The following LNX2 variants were observed in gnomAD, a reference collection of about 807,000 sequenced individuals.
LNX2 encodes the protein ligand of Numb protein X 2.
A neutral mutation model predicts 66.2 loss-of-function variants in LNX2; 35 were observed. The observed-to-expected ratio is 0.53, with a 90% CI of 0.40 to 0.70. The LOEUF (loss-of-function observed/expected upper bound fraction) is 0.70. LNX2 is among the 30% of genes least tolerant of loss of function. LNX2 has a pLI of 0.00. For synonymous variants in LNX2, 337 were observed against 315.6 expected (o/e 1.07, Z -0.72); for missense variants, 791 against 850.8 (o/e 0.93, Z 0.87).
intron 1 of LNX2, among the ~76,000 whole-genome samples, chr13:27,611,756 A>G (rs1955776598): frequency 6.6e-6 from 1 of 152,228 alleles, no homozygotes; most frequent in Non-Finnish European, 1.5e-5. Context: ...GGGAAAAAAG[A>G]ATGTCAAATC....
chr13:27,581,532 G>A lies in LNX2; in HGVS notation c.172C>T (p.Leu58=). ...CCACAGGGTGTGTCTAGTGGCTGCA[G>A]CAGAGGTTGAAGGCAAATATGGCAG... is the stretch of plus-strand genomic sequence containing the variant. ...LVCHICLQPL[L]QPLDTPCGHT... Residue 58 remains leucine (L), a synonymous_variant, in exon 2 of 10, where the codon CTG becomes TTG. Coordinates refer to ENST00000316334, the MANE Select transcript of LNX2 (RefSeq NM_153371.4). 2 of 1,614,206 alleles carry A rather than the reference G, an allele frequency of 1.2e-6. No homozygotes were observed. Among genetic ancestry groups the A allele is most frequent in the Non-Finnish European group, 1.7e-6 (2 of 1,180,024 alleles).
intron 1 of LNX2, among the ~76,000 whole-genome samples, chr13:27,609,712 G>C (rs1012722791): frequency 6.6e-6 from 1 of 152,068 alleles, no homozygotes; most frequent in African/African-American, 2.4e-5. Flanking sequence ...CAGTACTCAA[G>C]ATTTTACCAT....
In LNX2 at chr13:27,581,769, A is replaced by AGT; in HGVS notation, c.-68_-67dup. On this transcript the variant is annotated 5_prime_UTR_variant, in exon 2 of 10. Coordinates refer to ENST00000316334, the MANE Select transcript of LNX2 (RefSeq NM_153371.4). ...TCACGCTTGGTTTCCTTTAACAGAC[A>AGT]GTGATGTATCTGACTAAAGTCAAGG... 1 of 1,382,556 alleles carries AGT rather than the reference A, an allele frequency of 7.2e-7. No homozygotes were observed. The highest frequency in any genetic ancestry group is 1.4e-5 in the South Asian group (1 of 69,064). The allele number at this position is 1,382,556 out of a possible 1,614,324, so 85.6% of individuals were successfully genotyped here. A position where few individuals can be genotyped will look rare whatever the true frequency, so the allele number is the denominator to read the frequency against.
Position 27,583,214 on chromosome 13 carries a change from G to GCGCGCGCGTGCCCTCTCCAATATAACTT in LNX2, c.-100-1412_-100-1411insAAGTTATATTGGAGAGGGCACGCGCGCG, listed in dbSNP as rs1277840971. ...TGTGTGTGTGTGTGTGTGTGTGTGT[G>GCGCGCGCGTGCCCTCTCCAATATAACTT]TGTGTGTGTGTGTGTGTGTGTGTGT... On this transcript the variant is annotated intron_variant, in intron 1 of 9. Transcript: ENST00000316334. Among the ~76,000 whole-genome samples, 2 of 16,934 alleles carry GCGCGCGCGTGCCCTCTCCAATATAACTT rather than the reference G, an allele frequency of 1.2e-4. 1 individual carries two copies. The highest frequency in any genetic ancestry group is 2.0e-4 in the Non-Finnish European group (2 of 9,942). 11.1% of individuals were successfully genotyped at this position (16,934 alleles called of 152,430 possible).
intron 2 of LNX2, among the ~76,000 whole-genome samples, chr13:27,575,413 T>C (rs1468984598): frequency 6.6e-6 from 1 of 152,216 alleles, no homozygotes; most frequent in Non-Finnish European, 1.5e-5. Context: ...TGTGAATCAG[T>C]GGACTCCATA....
At position 27,580,702 on chromosome 13, in the gene LNX2, C is replaced by T. The variant is rs945281457; in HGVS notation, c.407+595G>A. On this transcript the variant is annotated intron_variant, in intron 2 of 9. Coordinates refer to ENST00000316334, the MANE Select transcript of LNX2 (RefSeq NM_153371.4). ...TTCTTGTTCAGTCTAGTCCCTGAACCCAGAATCTTTACAAGATCTTAGCAA... is the reference window on the plus strand; with the variant it reads ...TTCTTGTTCAGTCTAGTCCCTGAACTCAGAATCTTTACAAGATCTTAGCAA... 4.1e-4 allele frequency among the ~76,000 whole-genome samples: 62 copies of T among 152,098 alleles called. 1 individual carries two copies. The highest frequency in any genetic ancestry group is 8.8e-5 in the Non-Finnish European group (6 of 67,996).
intron 1 of LNX2, among the ~76,000 whole-genome samples, chr13:27,611,467 T>C (rs1241115475): frequency 2.0e-5 from 3 of 152,220 alleles, no homozygotes; most frequent in African/African-American, 7.2e-5. Context: ...GGAAGTTGTT[T>C]AATGGGTACA....
intron 4 of LNX2, among the ~76,000 whole-genome samples, chr13:27,564,320 A>G (rs114396082): frequency 0.055 from 8,356 of 152,276 alleles, 245 homozygotes; most frequent in Middle Eastern, 0.1. Flanking sequence ...TAGATTTTGT[A>G]AAAATAACAT....
At chr13:27,560,578 T>TAC (rs1955121960) in intron 5 of LNX2, among the ~76,000 whole-genome samples, 3 of 148,374 alleles carry the variant, frequency 2.0e-5, no homozygotes, top group Admixed American at 1.3e-4. Context: ...TATATATATA[T>TAC]ATATATAGCA....
intron 1 of LNX2, among the ~76,000 whole-genome samples, chr13:27,604,163 G>A (rs1431337531): frequency 2.6e-5 from 4 of 152,164 alleles, no homozygotes; most frequent in Non-Finnish European, 5.9e-5. Context: ...GGAGAATGGC[G>A]TGAACCCGGG....
Position 27,616,751 on chromosome 13 carries a change from T to TA in LNX2, c.-101+3623dup, listed in dbSNP as rs373190632. Among the ~76,000 whole-genome samples, 503 of 152,346 alleles carry TA rather than the reference T, an allele frequency of 3.3e-3. 2 individuals are homozygous for TA. The highest frequency in any genetic ancestry group is 0.012 in the African/African-American group (479 of 41,578). ...TGTAATGTCATGAGCACTTGCTTGT[T>TA]AAAAAATTCCTTTTTTGAGATGGAG... On this transcript the variant is annotated intron_variant, in intron 1 of 9. Coordinates refer to ENST00000316334, the MANE Select transcript of LNX2 (RefSeq NM_153371.4).
At chr13:27,558,880 C>T (rs1035573436) in intron 6 of LNX2, among the ~76,000 whole-genome samples, 9 of 152,096 alleles carry the variant, frequency 5.9e-5, no homozygotes, top group African/African-American at 2.2e-4. Flanking sequence ...TGTCTTTAAG[C>T]TATGCTTTCT....
intron 7 of LNX2, among the ~76,000 whole-genome samples, chr13:27,553,946 C>A (rs975497784): frequency 1.5e-4 from 23 of 152,158 alleles, no homozygotes; most frequent in African/African-American, 5.3e-4. Context: ...CCTGGGCCCA[C>A]ATGAAGAAAT....
rs1383189938 is a variant in LNX2, at chr13:27,581,823, A to G, written c.-100-20T>C. The G allele has an allele frequency of 1.4e-6, 1 of 704,840 alleles. No individual in the cohort carries two copies. The highest frequency in any genetic ancestry group is 2.7e-5 in the East Asian group (1 of 36,428). 43.7% of individuals were successfully genotyped at this position (704,840 alleles called of 1,614,324 possible). Reference sequence around the variant, plus strand: ...GTTTTTCTAGATAAGCAAAACAAACACATTAAAAAAGGTAATTAATATCAA... The same window carrying G: ...GTTTTTCTAGATAAGCAAAACAAACGCATTAAAAAAGGTAATTAATATCAA... On this transcript the variant is annotated intron_variant, in intron 1 of 9. Coordinates refer to ENST00000316334, the MANE Select transcript of LNX2 (RefSeq NM_153371.4).
chr13:27,602,346 G>GT (rs1194812212), intron 1 of LNX2, among the ~76,000 whole-genome samples: 25 of 152,106 alleles, frequency 1.6e-4, no homozygotes, highest in African/African-American at 6.0e-4. Context: ...ATTACTCCGG[G>GT]TTTTTTTATG....
intron 1 of LNX2, among the ~76,000 whole-genome samples, chr13:27,616,832 C>T (rs1955833288): frequency 6.6e-6 from 1 of 152,344 alleles, no homozygotes; most frequent in Admixed American, 6.5e-5. Context: ...TCACTGAAAC[C>T]TCTAGCTCCC....
chr13:27,547,608 G>C lies in LNX2; in HGVS notation c.*727C>G, dbSNP rs1036810418. The C allele has an allele frequency of 6.6e-6, 1 of 152,278 alleles. No homozygotes were observed. The highest frequency in any genetic ancestry group is 1.5e-5 in the Non-Finnish European group (1 of 68,086). The allele number at this position is 152,278 out of a possible 1,614,324, so 9.4% of individuals were successfully genotyped here. A position where few individuals can be genotyped will look rare whatever the true frequency, so the allele number is the denominator to read the frequency against. ...GCGGCAGCTCACACCTGTAATCCCAGCACTTTGGGAGGCTGAGGCGGGCAG... is the reference window on the plus strand; with the variant it reads ...GCGGCAGCTCACACCTGTAATCCCACCACTTTGGGAGGCTGAGGCGGGCAG... On this transcript the variant is annotated 3_prime_UTR_variant, in exon 10 of 10. Coordinates refer to ENST00000316334, the MANE Select transcript of LNX2 (RefSeq NM_153371.4).
chr13:27,614,407 A>C (rs888889367), intron 1 of LNX2, among the ~76,000 whole-genome samples: 1 of 152,138 alleles, frequency 6.6e-6, no homozygotes, highest in Non-Finnish European at 1.5e-5. Context: ...AGCCACTCAG[A>C]GCATAGGAGT....
chr13:27,583,191 T>C lies in LNX2; in HGVS notation c.-100-1388A>G, dbSNP rs1483557744. Among the ~76,000 whole-genome samples the C allele has an allele frequency of 5.0e-3, 47 of 9,388 alleles. 1 individual carries two copies. The highest frequency in any genetic ancestry group is 0.015 in the African/African-American group (45 of 2,954). The allele number at this position is 9,388 out of a possible 152,430, so 6.2% of individuals were successfully genotyped here. On this transcript the variant is annotated intron_variant, in intron 1 of 9. Coordinates refer to ENST00000316334, the MANE Select transcript of LNX2 (RefSeq NM_153371.4). ...AGCAGTGTGTGTGTGTGTGTGTGTG[T>C]GTGTGTGTGTGTGTGTGTGTGTGTG...
Sources: allele counts gnomAD v4.1 joint callset (sites outside exome capture counted in the v4.1 genomes callset), GRCh38; gene constraint gnomAD v4.1.1; transcripts MANE v1.5; gene names NCBI Gene and HGNC (gene_info 2026-07-23, HGNC 2026-07-21).